Variants in DCC observed in about 807,000 individuals in gnomAD.
DCC encodes DCC netrin 1 receptor.
Under a neutral mutation model 172.5 loss-of-function variants are expected in DCC, and 58 were observed. That is an observed-to-expected ratio of 0.34 (90% confidence interval 0.27 to 0.42). DCC has a LOEUF of 0.42. Among genes scored for constraint, DCC ranks in the 10% least tolerant of loss-of-function variants. The pLI is 1.00. For missense variants in DCC, 1,740 were observed against 1,791.0 expected, an observed-to-expected ratio of 0.97 and a Z score of 0.51; for synonymous variants, 709 against 644.5, an observed-to-expected ratio of 1.10 and a Z score of -1.52.
chr18:52,969,609 C>CTT (rs2040993250), intron 5 of DCC, among the ~76,000 whole-genome samples: 1 of 148,008 alleles, frequency 6.8e-6, no homozygotes, highest in Non-Finnish European at 1.5e-5. Context: ...CTCTCTCTCT[C>CTT]TCTCTCTCTC....
At position 53,267,721 on chromosome 18, in the gene DCC, C is replaced by A. The variant is rs932926433; in HGVS notation, c.1912-37857C>A. Among the ~76,000 whole-genome samples, 3 of 152,138 alleles carry A rather than the reference C, an allele frequency of 2.0e-5. No homozygotes were observed. In the East Asian group the frequency reaches 5.8e-4, roughly 29 times the overall value. ...GCTCAAGCAATCCTCCTGACTTGGT[C>A]TCCCCAAATGCTAGGATTAAAGGTG... is the stretch of plus-strand genomic sequence containing the variant. On this transcript the variant is annotated intron_variant, in intron 12 of 28. Transcript: ENST00000442544.
chr18:53,350,408 C>T (rs1256951233), intron 15 of DCC, among the ~76,000 whole-genome samples: 1 of 152,116 alleles, frequency 6.6e-6, no homozygotes, highest in Non-Finnish European at 1.5e-5. Context: ...CATGAATACT[C>T]AATTGTAATT....
intron 1 of DCC, among the ~76,000 whole-genome samples, chr18:52,612,911 ATATTATG>A (rs1466880561): frequency 2.6e-5 from 4 of 152,190 alleles, no homozygotes; most frequent in Non-Finnish European, 5.9e-5. Context: ...TGCATGTAAC[ATATTATG>A]TTATTTTGGG....
At chr18:52,919,362 A>G (rs1021252579) in intron 3 of DCC, among the ~76,000 whole-genome samples, 2 of 152,240 alleles carry the variant, frequency 1.3e-5, no homozygotes, top group African/African-American at 4.8e-5. Flanking sequence ...TGTAAAATGT[A>G]TGAACTACTT....
At chr18:53,107,758 G>A (rs1337633478) in intron 7 of DCC, among the ~76,000 whole-genome samples, 1 of 151,776 alleles carries the variant, frequency 6.6e-6, no homozygotes, top group East Asian at 2.0e-4. Flanking sequence ...AGTTTTAAAT[G>A]GTGGTTTCTG....
intron 2 of DCC, among the ~76,000 whole-genome samples, chr18:52,771,757 T>G (rs985526158): frequency 2.0e-5 from 3 of 152,012 alleles, no homozygotes; most frequent in Admixed American, 6.6e-5. Flanking sequence ...TTTTTGTTTG[T>G]TTGCCCCCTC....
intron 25 of DCC, among the ~76,000 whole-genome samples, chr18:53,484,004 TAG>T (rs1568161414): frequency 7.0e-5 from 10 of 143,482 alleles, no homozygotes; most frequent in Admixed American, 2.1e-4. Flanking sequence ...GATAGATAGA[TAG>T]ATAGATATAG....
Position 53,352,716 on chromosome 18 carries a change from C to T in DCC, c.2359+12809C>T, listed in dbSNP as rs2057826814. 2.6e-5 allele frequency among the ~76,000 whole-genome samples: 4 copies of T among 152,206 alleles called. No homozygotes were observed. In the South Asian group the frequency reaches 8.3e-4, roughly 31 times the overall value. ...TTAATCAAAGTGTTTAGACCATTTA[C>T]ATTTAATGTGAATATAGATCTGGTT... On this transcript the variant is annotated intron_variant, in intron 15 of 28. Coordinates refer to ENST00000442544, the MANE Select transcript of DCC (RefSeq NM_005215.4).
chr18:53,202,607 A>G (rs535058339), intron 9 of DCC, among the ~76,000 whole-genome samples: 34 of 152,176 alleles, frequency 2.2e-4, no homozygotes, highest in Non-Finnish European at 4.3e-4. Context: ...GCATATTTAT[A>G]TGGTCCTAAT....
At chr18:52,787,653 G>A (rs2037685014) in intron 2 of DCC, among the ~76,000 whole-genome samples, 2 of 151,976 alleles carry the variant, frequency 1.3e-5, no homozygotes, top group African/African-American at 4.8e-5. Context: ...AGTTTCAGGG[G>A]CCTTCTGAGC....
intron 5 of DCC, among the ~76,000 whole-genome samples, chr18:52,985,101 T>TG (rs2041271784): frequency 6.6e-6 from 1 of 152,110 alleles, no homozygotes; most frequent in Admixed American, 6.6e-5. Context: ...TGTTGTTGAT[T>TG]GTTCGGCTCT....
chr18:53,058,733 A>T (rs190600029), intron 5 of DCC, among the ~76,000 whole-genome samples: 1 of 152,334 alleles, frequency 6.6e-6, no homozygotes, highest in East Asian at 1.9e-4. Flanking sequence ...TGATAGAGCC[A>T]CTTCCACTGA....
In DCC at chr18:53,075,328, T is replaced by A. The variant is rs190610442; in HGVS notation, c.1261+9162T>A. Among the ~76,000 whole-genome samples the A allele has an allele frequency of 5.1e-3, 776 of 152,314 alleles. 6 individuals carry two copies. The highest frequency in any genetic ancestry group is 0.022 in the Admixed American group (339 of 15,294). ...AAAGGCTTGTCATTCACCTTGTCCTTCATTCAGCACGTGCTTCAGGTAGGA... is the reference window on the plus strand; with the variant it reads ...AAAGGCTTGTCATTCACCTTGTCCTACATTCAGCACGTGCTTCAGGTAGGA... On this transcript the variant is annotated intron_variant, in intron 7 of 28. Coordinates refer to ENST00000442544, the MANE Select transcript of DCC (RefSeq NM_005215.4).
At chr18:52,352,417 C>A (rs1030888201) in intron 1 of DCC, among the ~76,000 whole-genome samples, 9 of 152,114 alleles carry the variant, frequency 5.9e-5, no homozygotes, top group East Asian at 1.9e-4. Flanking sequence ...TGGTCCCATG[C>A]CTTTGCTTGA....
intron 14 of DCC, among the ~76,000 whole-genome samples, chr18:53,333,327 T>C (rs567116094): frequency 2.0e-5 from 3 of 152,338 alleles, no homozygotes; most frequent in Admixed American, 6.5e-5. Context: ...AATTGCCTTA[T>C]GTAGTTTGCT....
intron 26 of DCC, among the ~76,000 whole-genome samples, chr18:53,496,151 G>A (rs1473592626): frequency 6.6e-6 from 1 of 152,170 alleles, no homozygotes; most frequent in Non-Finnish European, 1.5e-5. Context: ...TCCAGCCCAT[G>A]TATCCTGACT....
intron 21 of DCC, among the ~76,000 whole-genome samples, chr18:53,423,219 G>A (rs1910733372): frequency 6.6e-6 from 1 of 152,144 alleles, no homozygotes; most frequent in South Asian, 2.1e-4. Flanking sequence ...TCCATAAACA[G>A]GTTCTTCTTG....
chr18:52,636,031 C>A (rs1188715089), intron 1 of DCC, among the ~76,000 whole-genome samples: 1 of 152,174 alleles, frequency 6.6e-6, no homozygotes, highest in Non-Finnish European at 1.5e-5. Flanking sequence ...GCCCCAACTG[C>A]GGAAGCGGGA....
rs1014206188 is a variant in DCC, at chr18:53,200,028, C to A, written c.1574-5188C>A. Among the ~76,000 whole-genome samples the A allele has an allele frequency of 2.0e-5, 3 of 152,154 alleles. No homozygotes were observed. The South Asian group carries it at 6.2e-4, about 31-fold the overall frequency. ...TTTACACCAACAAATCGAATGTTCT[C>A]ATTTGGCTGGCAATTGATAAAAACG... On this transcript the variant is annotated intron_variant, in intron 9 of 28. Transcript: ENST00000442544.
Sources: allele counts gnomAD v4.1 joint callset (sites outside exome capture counted in the v4.1 genomes callset), GRCh38; gene constraint gnomAD v4.1.1; transcripts MANE v1.5; gene names NCBI Gene and HGNC (gene_info 2026-07-23, HGNC 2026-07-21).